Variants in AHRR observed in about 807,000 individuals in gnomAD.
AHRR encodes the protein aryl hydrocarbon receptor repressor.
In AHRR, 28 loss-of-function variants were observed where a neutral mutation model predicts 44.0. That is an observed-to-expected ratio of 0.64 (90% CI 0.47 to 0.87). The LOEUF (loss-of-function observed/expected upper bound fraction) is 0.87. Among genes scored for constraint, AHRR ranks in the 40% least tolerant of loss-of-function variants. The pLI is 0.00. For synonymous variants in AHRR, 434 were observed against 407.0 expected, an observed-to-expected ratio of 1.07 and a Z score of -0.80; for missense variants, 990 against 953.9, an observed-to-expected ratio of 1.04 and a Z score of -0.50.
In AHRR at chr5:337,915, C is replaced by G. The variant is rs1262498844; in HGVS notation, c.-10-5978C>G. Among the ~76,000 whole-genome samples, 1 of 152,204 alleles carries G rather than the reference C, an allele frequency of 6.6e-6. No individual in the cohort carries two copies. The highest frequency in any genetic ancestry group is 2.4e-5 in the African/African-American group (1 of 41,448). On this transcript the variant is annotated intron_variant, in intron 1 of 10. Transcript: ENST00000684583. This position sits in a 1 kb window ranked among gnomAD's most constrained non-coding sequence, Gnocchi z 4.1. ...GAGGCTCCTTCTTCCTGCTGGGCTCCTCTAGGACCGTATTCAGGCCAGTGC... is the reference window on the plus strand; with the variant it reads ...GAGGCTCCTTCTTCCTGCTGGGCTCGTCTAGGACCGTATTCAGGCCAGTGC...
rs565698780 is a variant in AHRR at position 387,555 on chromosome 5, G to A, written c.351+10839G>A. Among the ~76,000 whole-genome samples, 26 of 152,316 alleles carry A rather than the reference G, an allele frequency of 1.7e-4. No homozygotes were observed. In the South Asian group the frequency reaches 2.7e-3, roughly 16 times the overall value. On this transcript the variant is annotated intron_variant, in intron 4 of 10. Transcript: ENST00000684583. This position sits in a 1 kb window ranked among gnomAD's most constrained non-coding sequence, Gnocchi z 5.1. Reference sequence around the variant, plus strand: ...CAGGCACACAACAGCCATGCAGCACGTCCCTCCACCTGCCTTTCACCCTGT... The same window carrying A: ...CAGGCACACAACAGCCATGCAGCACATCCCTCCACCTGCCTTTCACCCTGT...
intron 9 of AHRR, 82 bp from the exon 10 acceptor site, chr5:432,724 C>G (rs1362674708): frequency 1.2e-6 from 2 of 1,606,040 alleles, no homozygotes; most frequent in Non-Finnish European, 1.7e-6. Context: ...ATGGGTCCTG[C>G]CTTGCTGAGA....
chr5:429,201 C>CCGCCAGGA (rs1736604582), intron 8 of AHRR, among the ~76,000 whole-genome samples: 1 of 151,786 alleles, frequency 6.6e-6, no homozygotes, highest in Non-Finnish European at 1.5e-5. Context: ...AGGGCCGGGG[C>CCGCCAGGA]TGCCAGGATG....
intron 1 of AHRR, chr5:322,542 T>G (rs1182965267): frequency 1.3e-5 from 2 of 151,728 alleles, no homozygotes; most frequent in African/African-American, 4.8e-5. Context: ...CAGGCTCTCG[T>G]CTGCGGGGTT....
rs567823880 is a variant in AHRR at position 405,643 on chromosome 5, G to C, written c.352-7701G>C. ...CGGCACACCCTTCAGGTCGGTGGGA[G>C]TGAGGGCCTTCGGGTCGCCGGCACC... On this transcript the variant is annotated intron_variant, in intron 4 of 10. Coordinates refer to ENST00000684583, the MANE Select transcript of AHRR (RefSeq NM_001377236.1). The surrounding 1 kb of genome is among the most constrained non-coding windows in gnomAD (Gnocchi z 4.5). Among the ~76,000 whole-genome samples, 1 of 152,308 alleles carries C rather than the reference G, an allele frequency of 6.6e-6. No homozygotes were observed. The highest frequency in any genetic ancestry group is 1.9e-4 in the East Asian group (1 of 5,176).
intron 3 of AHRR, among the ~76,000 whole-genome samples, chr5:376,335 G>T (rs982040660): frequency 1.3e-5 from 2 of 152,140 alleles, no homozygotes; most frequent in Non-Finnish European, 2.9e-5. Flanking sequence ...GAGCGGGTGT[G>T]GGGGCGTCCT....
Position 391,498 on chromosome 5 carries a change from T to C in AHRR, c.351+14782T>C, listed in dbSNP as rs867369079. On this transcript the variant is annotated intron_variant, in intron 4 of 10. Transcript: ENST00000684583. ...GGGGCAGGGCGAGGCGGGCGCAGGGTGAGGCAGGGCCAGAGCGTGCATGGG... is the reference window on the plus strand; with the variant it reads ...GGGGCAGGGCGAGGCGGGCGCAGGGCGAGGCAGGGCCAGAGCGTGCATGGG... 8.5e-3 allele frequency among the ~76,000 whole-genome samples: 392 copies of C among 46,094 alleles called. 21 individuals are homozygous for C. Among genetic ancestry groups the C allele is most frequent in the Middle Eastern group, 0.022 (2 of 92 alleles). The allele number at this position is 46,094 out of a possible 152,430, so 30.2% of individuals were successfully genotyped here.
intron 3 of AHRR, among the ~76,000 whole-genome samples, chr5:373,922 G>A (rs1743674579): frequency 6.6e-6 from 1 of 151,092 alleles, no homozygotes; most frequent in South Asian, 2.1e-4. Flanking sequence ...CGGCTGCGGG[G>A]GAAGTAGGGG....
chr5:338,571 G>A lies in AHRR; in HGVS notation c.-10-5322G>A, dbSNP rs1043680841. Among the ~76,000 whole-genome samples the A allele has an allele frequency of 2.6e-5, 4 of 152,266 alleles. No individual in the cohort carries two copies. Among genetic ancestry groups the A allele is most frequent in the African/African-American group, 7.2e-5 (3 of 41,542 alleles). On this transcript the variant is annotated intron_variant, in intron 1 of 10. Transcript: ENST00000684583. This position sits in a 1 kb window ranked among gnomAD's most constrained non-coding sequence, Gnocchi z 4.1. Reference sequence around the variant, plus strand: ...TTTAATATTATTCTAGGCCAGGTACGTGGCTCATACCTGTAATCCCAGCAC... The same window carrying A: ...TTTAATATTATTCTAGGCCAGGTACATGGCTCATACCTGTAATCCCAGCAC...
Position 370,203 on chromosome 5 carries a change from T to A in AHRR, c.245-6407T>A, listed in dbSNP as rs9800023. On this transcript the variant is annotated intron_variant, in intron 3 of 10. Transcript: ENST00000684583. This position sits in a 1 kb window ranked among gnomAD's most constrained non-coding sequence, Gnocchi z 4.5. ...CTCCCGGGCCCTCGCTGGTGCCCCG[T>A]CCTCCCGGGCCCTCGCTGGAAGCCC... 1.5e-5 allele frequency among the ~76,000 whole-genome samples: 2 copies of A among 133,772 alleles called. No homozygotes were observed. The highest frequency in any genetic ancestry group is 3.2e-5 in the Non-Finnish European group (2 of 62,094). The allele number at this position is 133,772 out of a possible 152,430, so 87.8% of individuals were successfully genotyped here.
intron 2 of AHRR, among the ~76,000 whole-genome samples, chr5:344,255 G>C (rs976927214): frequency 6.6e-6 from 1 of 150,930 alleles, no homozygotes; most frequent in Non-Finnish European, 1.5e-5. Context: ...CGGAGCTCCG[G>C]GCGGCAGAGG....
At chr5:422,884 C>T in intron 6 of AHRR, 26 bp downstream of exon 6, 1 of 1,597,354 alleles carries the variant, frequency 6.3e-7, no homozygotes, top group Non-Finnish European at 8.5e-7. Flanking sequence ...CCAAGTGAGT[C>T]AGCAAAACCT....
intron 5 of AHRR, among the ~76,000 whole-genome samples, chr5:420,039 CT>C (rs1040288625): frequency 4.0e-4 from 61 of 152,346 alleles, no homozygotes; most frequent in Admixed American, 2.4e-3. Flanking sequence ...CCTGGAGACC[CT>C]TTGGAAACAC....
chr5:368,090 A>G (rs1408449310), intron 3 of AHRR: 3 of 597,440 alleles, frequency 5.0e-6, no homozygotes, highest in Non-Finnish European at 9.0e-6. Context: ...TTACCTACGA[A>G]TTCATTATTT....
intron 3 of AHRR, among the ~76,000 whole-genome samples, chr5:368,912 G>A (rs1015384380): frequency 2.6e-5 from 4 of 152,192 alleles, no homozygotes; most frequent in Non-Finnish European, 5.9e-5. Context: ...TTGAAAAATC[G>A]GGAAATTCTT....
rs772631419 is a variant in AHRR at position 434,508 on chromosome 5, G to C, written c.1768G>C (p.Gly590Arg). 1.9e-6 allele frequency: 3 copies of C among 1,612,536 alleles called. No individual in the cohort carries two copies. The highest frequency in any genetic ancestry group is 2.5e-6 in the Non-Finnish European group (3 of 1,179,834). The change falls in exon 11 of 11, where the codon GGC (glycine) becomes CGC (arginine). Residue 590 changes from glycine (G) to arginine (R), a missense_variant. Physicochemically the swap from Gly to Arg is moderately radical, Grantham distance 125 (BLOSUM62 -2). Coordinates refer to ENST00000684583, the MANE Select transcript of AHRR (RefSeq NM_001377236.1). Reference protein sequence around the residue: ...QQVYISHLGHGVRGAQPHGRA... With the variant: ...QQVYISHLGHRVRGAQPHGRA... ...GGTGTACATCTCGCACCTGGGGCAC[G>C]GCGTGCGGGGGGCTCAGCCCCATGG... is the stretch of plus-strand genomic sequence containing the variant.
rs991794225 is a variant in AHRR, at chr5:370,079, C to T, written c.245-6531C>T. ...CTGGTGCCCCATCCTCCCGGGCCCT[C>T]GCTGGAAGCCCCGTCCTCCCGGGCC... is the stretch of plus-strand genomic sequence containing the variant. On this transcript the variant is annotated intron_variant, in intron 3 of 10. Coordinates refer to ENST00000684583, the MANE Select transcript of AHRR (RefSeq NM_001377236.1). The surrounding 1 kb of genome is among the most constrained non-coding windows in gnomAD (Gnocchi z 4.5). 6.0e-5 allele frequency among the ~76,000 whole-genome samples: 9 copies of T among 150,782 alleles called. No individual in the cohort carries two copies. The East Asian group carries it at 7.8e-4, about 13-fold the overall frequency.
Position 376,710 on chromosome 5 carries a change from G to A in AHRR, c.345G>A (p.Leu115=). The A allele has an allele frequency of 6.2e-7, 1 of 1,606,664 alleles. No homozygotes were observed. The highest frequency in any genetic ancestry group is 1.7e-5 in the Admixed American group (1 of 59,174). Residue 115 remains leucine (L), a synonymous_variant, in exon 4 of 11, where the codon CTG becomes CTA. Transcript: ENST00000684583. ...AGSAVLEGRL[L]LESLNGFALV... ...CTGCCGTGCTGGAGGGAAGGCTGCT[G>A]TTGGAGGTGAGTGCCACCCTTGGTA...
rs1742189644 is a variant in AHRR, at chr5:337,676, AG to A, written c.-10-6213del. 6.6e-6 allele frequency among the ~76,000 whole-genome samples: 1 copy of A among 152,162 alleles called. No individual in the cohort carries two copies. Among genetic ancestry groups the A allele is most frequent in the African/African-American group, 2.4e-5 (1 of 41,436 alleles). On this transcript the variant is annotated intron_variant, in intron 1 of 10. Transcript: ENST00000684583. The surrounding 1 kb of genome is among the most constrained non-coding windows in gnomAD (Gnocchi z 4.1). ...GATAGCAACAGTGATGCAGCTATGG[AG>A]GGGAGAGGAGAACTCTGGATGGTGC...
Sources: allele counts gnomAD v4.1 joint callset (sites outside exome capture counted in the v4.1 genomes callset), GRCh38; gene constraint gnomAD v4.1.1; non-coding constraint Gnocchi (gnomAD v3.1); transcripts MANE v1.5; gene names NCBI Gene and HGNC (gene_info 2026-07-23, HGNC 2026-07-21).